The following LTBP1 variants were observed in gnomAD, a reference collection of about 807,000 sequenced individuals.
LTBP1 encodes the protein latent transforming growth factor beta binding protein 1.
A neutral mutation model predicts 207.6 loss-of-function variants in LTBP1; 129 were observed. That is an observed-to-expected ratio of 0.62 (90% CI 0.54 to 0.72). The LOEUF (loss-of-function observed/expected upper bound fraction) is 0.72, where lower values mean the gene tolerates loss of function less well. Among genes scored for constraint, LTBP1 ranks in the 30% least tolerant of loss-of-function variants. The pLI is 0.00. For synonymous variants in LTBP1, 963 were observed against 833.7 expected (o/e 1.16, Z -2.67); for missense variants, 2,281 against 2,217.2 (o/e 1.03, Z -0.58).
chr2:33,191,796 C>G (rs1177127658), intron 7 of LTBP1, among the ~76,000 whole-genome samples: 1 of 152,146 alleles, frequency 6.6e-6, no homozygotes, highest in Non-Finnish European at 1.5e-5. Context: ...TTGCAAGTGT[C>G]AAACATTGAG....
intron 18 of LTBP1, among the ~76,000 whole-genome samples, chr2:33,277,676 T>A (rs545377523): frequency 1.5e-3 from 232 of 151,964 alleles, no homozygotes; most frequent in African/African-American, 4.6e-3. Flanking sequence ...TTTAAAAAAA[T>A]GGGGTGTTTA....
At chr2:33,319,984 G>C (rs773879637) in intron 24 of LTBP1, among the ~76,000 whole-genome samples, 1 of 152,196 alleles carries the variant, frequency 6.6e-6, no homozygotes, top group East Asian at 1.9e-4. Context: ...GCCATCCACT[G>C]TTCTAGGTAC....
At chr2:33,108,165 G>C (rs1173640360) in intron 3 of LTBP1, among the ~76,000 whole-genome samples, 1 of 152,060 alleles carries the variant, frequency 6.6e-6, no homozygotes, top group Non-Finnish European at 1.5e-5. Flanking sequence ...TGAGTAATGG[G>C]ACAGTTTCCT....
intron 3 of LTBP1, among the ~76,000 whole-genome samples, chr2:33,027,914 G>A (rs916437026): frequency 8.5e-5 from 13 of 152,220 alleles, no homozygotes; most frequent in African/African-American, 2.9e-4. Flanking sequence ...CAGTATGGTA[G>A]TTTGAGAAGG....
intron 30 of LTBP1, among the ~76,000 whole-genome samples, chr2:33,364,778 T>A (rs985916211): frequency 6.6e-6 from 1 of 152,196 alleles, no homozygotes; most frequent in African/African-American, 2.4e-5. Context: ...ACTGACAAAC[T>A]CCTGTCCTCC....
chr2:33,360,170 C>T (rs1473312477), intron 26 of LTBP1, among the ~76,000 whole-genome samples: 3 of 152,170 alleles, frequency 2.0e-5, no homozygotes, highest in Non-Finnish European at 4.4e-5. Context: ...ATGGTTGATT[C>T]CAATAACTAC....
rs758950976 is a variant in LTBP1 at position 33,110,645 on chromosome 2, C to G, written c.927C>G (p.Leu309=). The G allele has an allele frequency of 9.3e-6, 15 of 1,614,204 alleles. No homozygotes were observed. In the South Asian group the frequency reaches 1.2e-4, roughly 13 times the overall value. Residue 309 remains leucine (L), a synonymous_variant, in exon 4 of 34, where the codon CTC becomes CTG. Coordinates refer to ENST00000404816, the MANE Select transcript of LTBP1 (RefSeq NM_206943.4). ...ATGGCCAGACCCAGGAATACGTGCT[C>G]AAGCCCAAGTACTTTCCAGCCCAGA... ...IHHGQTQEYV[L]KPKYFPAQKG...
intron 2 of LTBP1, among the ~76,000 whole-genome samples, chr2:32,977,941 G>A (rs1018011634): frequency 2.0e-5 from 3 of 152,116 alleles, no homozygotes; most frequent in South Asian, 4.2e-4. Context: ...CACTGCTTGG[G>A]TTAATTCCTA....
chr2:33,372,598 G>T (rs1477962248), intron 31 of LTBP1, among the ~76,000 whole-genome samples: 1 of 152,148 alleles, frequency 6.6e-6, no homozygotes, highest in Admixed American at 6.5e-5. Context: ...TAATCACCGG[G>T]TGTGGTGGCT....
At chr2:33,188,942 T>A (rs3922572) in intron 7 of LTBP1, 91 bp downstream of exon 7, 1,181,538 of 1,272,850 alleles carry the variant, frequency 0.93, 548,459 homozygotes, top group East Asian at 1. Flanking sequence ...AATGCTTTTT[T>A]AAAAAAAAGG....
At chr2:33,177,010 T>C (rs1018788987) in intron 5 of LTBP1, among the ~76,000 whole-genome samples, 1 of 152,214 alleles carries the variant, frequency 6.6e-6, no homozygotes, top group Non-Finnish European at 1.5e-5. Context: ...CTGGATACAA[T>C]TATTTTTCTC....
Position 33,342,942 on chromosome 2 carries a change from C to T in LTBP1, c.3835C>T (p.Gln1279Ter), listed in dbSNP as rs764594697. The change falls in exon 25 of 34, where the codon CAG (glutamine) becomes TAG (stop). Residue 1279 changes from glutamine (Q) to a stop codon, truncating the protein, a stop_gained. Coordinates refer to ENST00000404816, the MANE Select transcript of LTBP1 (RefSeq NM_206943.4). LOFTEE classifies it high-confidence loss of function. ...CTGTTATCAGGGCTTTCAAGCCCCACAGGATGGGCAAGGGTGTGTGGGTGA... is the reference window on the plus strand; with the variant it reads ...CTGTTATCAGGGCTTTCAAGCCCCATAGGATGGGCAAGGGTGTGTGGGTGA... ...CLCYQGFQAPQDGQGCVDVNE... is the reference protein window; with the variant it reads ...CLCYQGFQAP The T allele has an allele frequency of 1.2e-6, 2 of 1,613,858 alleles. No individual in the cohort carries two copies.
In LTBP1 at chr2:33,361,518, C is replaced by G; in HGVS notation, c.4270+3C>G. 1.9e-6 allele frequency: 3 copies of G among 1,608,010 alleles called. 1 individual carries two copies. Among genetic ancestry groups the G allele is most frequent in the Non-Finnish European group, 1.7e-6 (2 of 1,176,044 alleles). Reference sequence around the variant, plus strand: ...AGCTGGTGGTGAGAACTATAAAGGTCAGAATCAAGTGGAAACAAATTTTCA... The same window carrying G: ...AGCTGGTGGTGAGAACTATAAAGGTGAGAATCAAGTGGAAACAAATTTTCA... On this transcript the variant is annotated splice_donor_region_variant and intron_variant, in intron 28 of 33. Coordinates refer to ENST00000404816, the MANE Select transcript of LTBP1 (RefSeq NM_206943.4).
intron 3 of LTBP1, among the ~76,000 whole-genome samples, chr2:33,068,491 G>A (rs569402715): frequency 3.3e-5 from 5 of 152,132 alleles, no homozygotes; most frequent in African/African-American, 9.6e-5. Context: ...TCTTGATGTT[G>A]TACATTCTGT....
At chr2:33,244,473 C>G (rs536721916) in intron 10 of LTBP1, among the ~76,000 whole-genome samples, 29 of 152,298 alleles carry the variant, frequency 1.9e-4, no homozygotes, top group African/African-American at 6.7e-4. Context: ...GATAGTTTCA[C>G]CAAAGAGATA....
At chr2:32,951,068 GTTAC>G (rs981688525) in intron 2 of LTBP1, among the ~76,000 whole-genome samples, 2 of 152,146 alleles carry the variant, frequency 1.3e-5, no homozygotes, top group African/African-American at 4.8e-5. Context: ...CAGTGTTGAA[GTTAC>G]TTACAGGGCT....
chr2:33,046,746 C>T lies in LTBP1; in HGVS notation c.863+25540C>T, dbSNP rs760969496. On this transcript the variant is annotated intron_variant, in intron 3 of 33. Transcript: ENST00000404816. ...AGCTGTGAATCTGTCTGGTCCTGGA[C>T]GTTTTTTGGTTGGTAGGCTATTAAT... is the stretch of plus-strand genomic sequence containing the variant. Among the ~76,000 whole-genome samples, 3 of 152,200 alleles carry T rather than the reference C, an allele frequency of 2.0e-5. 1 individual carries two copies. Among genetic ancestry groups the T allele is most frequent in the Admixed American group, 6.5e-5 (1 of 15,284 alleles).
At position 33,387,555 on chromosome 2, in the gene LTBP1, A is replaced by G. The variant is rs898642239; in HGVS notation, c.4712-1629A>G. 3.3e-5 allele frequency among the ~76,000 whole-genome samples: 5 copies of G among 152,310 alleles called. No individual in the cohort carries two copies. The East Asian group carries it at 9.6e-4, about 29-fold the overall frequency. ...ACAGGGGCAGCCAGAATCCTACCCT[A>G]TCCAGTGGTTCAAGGTCTTTTCTGG... On this transcript the variant is annotated intron_variant, in intron 31 of 33. Coordinates refer to ENST00000404816, the MANE Select transcript of LTBP1 (RefSeq NM_206943.4).
intron 5 of LTBP1, among the ~76,000 whole-genome samples, chr2:33,163,219 T>C (rs779738484): frequency 6.6e-6 from 1 of 152,216 alleles, no homozygotes; most frequent in Non-Finnish European, 1.5e-5. Flanking sequence ...GCTCAAGTGA[T>C]CCACTTGCCA....
Sources: allele counts gnomAD v4.1 joint callset (sites outside exome capture counted in the v4.1 genomes callset), GRCh38; gene constraint gnomAD v4.1.1; transcripts MANE v1.5; gene names NCBI Gene and HGNC (gene_info 2026-07-23, HGNC 2026-07-21).